ASCC3: variants seen among roughly 807,000 people sequenced by gnomAD.
ASCC3 encodes activating signal cointegrator 1 complex subunit 3.
Under a neutral mutation model 256.3 loss-of-function variants are expected in ASCC3, and 158 were observed. The ratio of observed to expected loss-of-function variants is 0.62; its 90% CI spans 0.54 to 0.70. The LOEUF (loss-of-function observed/expected upper bound fraction) is 0.70. Ranked by LOEUF, ASCC3 falls within the 30% of genes least tolerant of loss-of-function variation. ASCC3 has a pLI of 0.00. For missense variants in ASCC3, 2,259 were observed against 2,626.0 expected (o/e 0.86, Z 3.05); for synonymous variants, 948 against 883.4 (o/e 1.07, Z -1.30).
chr6:100,798,719 T>G lies in ASCC3; in HGVS notation c.1389A>C (p.Leu463Phe). 6.2e-7 allele frequency: 1 copy of G among 1,612,644 alleles called. No individual in the cohort carries two copies. The highest frequency in any genetic ancestry group is 8.5e-7 in the Non-Finnish European group (1 of 1,179,408). Residue 463 changes from leucine to phenylalanine, a missense_variant, in exon 8 of 42, where the codon TTA becomes TTC. Physicochemically the swap from Leu to Phe is conservative, Grantham distance 22. Transcript: ENST00000369162. ...TATAAAAGGCTCATCTCACCTCATC[T>G]AAGTCTTGGATATAAACTGGCTTTT... is the stretch of plus-strand genomic sequence containing the variant. ...FEEKPVYIQD[L>F]DEIGQLAFKG... is the part of the protein sequence containing the mutation.
At chr6:100,841,217 G>T (rs1772129432) in intron 4 of ASCC3, among the ~76,000 whole-genome samples, 1 of 152,158 alleles carries the variant, frequency 6.6e-6, no homozygotes, top group African/African-American at 2.4e-5. Flanking sequence ...AAAGGAGATA[G>T]TAGTAAGGAA....
chr6:100,698,672 A>G (rs559517473), intron 13 of ASCC3, among the ~76,000 whole-genome samples: 6 of 152,190 alleles, frequency 3.9e-5, no homozygotes, highest in Non-Finnish European at 7.4e-5. Context: ...GCAAATTTAC[A>G]TAAAAAATGT....
At position 100,605,609 on chromosome 6, in the gene ASCC3, A is replaced by G. The variant is rs753310447; in HGVS notation, c.5136T>C (p.Phe1712=). The change falls in exon 33 of 42, where the codon TTT becomes TTC. Residue 1712 remains phenylalanine, a synonymous_variant. Transcript: ENST00000369162. The part of the protein sequence containing the change: ...VILVHDIKKD[F]YKKFLYEPFP... Reference sequence around the variant, plus strand: ...AAGGTTCATAAAGAAATTTTTTATAAAAGTCTTTCTTTATGTCATGAACTA... The same window carrying G: ...AAGGTTCATAAAGAAATTTTTTATAGAAGTCTTTCTTTATGTCATGAACTA... 1.8e-5 allele frequency: 29 copies of G among 1,579,496 alleles called. No individual in the cohort carries two copies. Among genetic ancestry groups the G allele is most frequent in the Non-Finnish European group, 2.4e-5 (28 of 1,149,106 alleles).
intron 10 of ASCC3, among the ~76,000 whole-genome samples, chr6:100,761,533 C>A (rs751920759): frequency 6.6e-6 from 1 of 152,042 alleles, no homozygotes; most frequent in African/African-American, 2.4e-5. Flanking sequence ...TGACAACCTA[C>A]GAATCTATTT....
intron 13 of ASCC3, among the ~76,000 whole-genome samples, chr6:100,680,990 C>T (rs990861903): frequency 3.3e-5 from 5 of 152,066 alleles, no homozygotes; most frequent in Admixed American, 1.3e-4. Context: ...GGAATGAGGT[C>T]TGGGATTTGA....
At chr6:100,610,663 C>A (rs1242843575) in intron 30 of ASCC3, among the ~76,000 whole-genome samples, 1 of 151,960 alleles carries the variant, frequency 6.6e-6, no homozygotes, top group Non-Finnish European at 1.5e-5. Flanking sequence ...TGTTTGGCCA[C>A]CTAGTATTCT....
At chr6:100,800,237 G>A in intron 6 of ASCC3, 63 bp downstream of exon 6, 2 of 1,534,368 alleles carry the variant, frequency 1.3e-6, no homozygotes, top group Non-Finnish European at 1.8e-6. Flanking sequence ...ACTAAAAAGT[G>A]ATAATGATAT....
At chr6:100,838,432 A>G (rs1394353163) in intron 4 of ASCC3, among the ~76,000 whole-genome samples, 1 of 152,086 alleles carries the variant, frequency 6.6e-6, no homozygotes, top group African/African-American at 2.4e-5. Flanking sequence ...ATTATAAAAT[A>G]AGGTCATAAA....
At chr6:100,663,215 T>C (rs759802696) in intron 14 of ASCC3, among the ~76,000 whole-genome samples, 7 of 152,122 alleles carry the variant, frequency 4.6e-5, no homozygotes, top group East Asian at 3.9e-4. Flanking sequence ...CAACTATAGA[T>C]GTGCATTGAG....
At chr6:100,865,941 GATAA>G (rs1485096477) in intron 2 of ASCC3, among the ~76,000 whole-genome samples, 6 of 144,532 alleles carry the variant, frequency 4.2e-5, no homozygotes, top group South Asian at 4.4e-4. Flanking sequence ...GCAACCTAGA[GATAA>G]ATAATTTCAT....
At chr6:100,557,804 A>G (rs1165707165) in intron 36 of ASCC3, among the ~76,000 whole-genome samples, 7 of 152,266 alleles carry the variant, frequency 4.6e-5, no homozygotes, top group Non-Finnish European at 8.8e-5. Context: ...CAAGGTGACT[A>G]TAGTCAATAA....
In ASCC3 at chr6:100,795,293, A is replaced by G. The variant is rs184345695; in HGVS notation, c.1395+3420T>C. On this transcript the variant is annotated intron_variant, in intron 8 of 41. Transcript: ENST00000369162. ...CATTTTTCCCTGGTTATATGGAGAA[A>G]GCCTATCTGGGAATCAGGGGATGAA... 4.8e-3 allele frequency among the ~76,000 whole-genome samples: 734 copies of G among 152,114 alleles called. 9 individuals carry two copies. The highest frequency in any genetic ancestry group is 0.017 in the African/African-American group (711 of 41,506).
intron 33 of ASCC3, among the ~76,000 whole-genome samples, chr6:100,603,279 GA>G (rs1229552608): frequency 1.3e-5 from 2 of 151,926 alleles, no homozygotes; most frequent in Non-Finnish European, 2.9e-5. Context: ...AGTATACACA[GA>G]AAAAATTACA....
chr6:100,800,369 T>A lies in ASCC3; in HGVS notation c.1058A>T (p.Lys353Met), dbSNP rs2114344134. ...EEKRIARREKKAGEDLEVSEG... is the reference protein window; with the variant it reads ...EEKRIARREKMAGEDLEVSEG... ...TGAAACTTCTAAATCTTCTCCAGCC[T>A]TTTTTTCTCGTCTGGCAATTCTTTT... Residue 353 changes from lysine to methionine, a missense_variant, in exon 6 of 42, where the codon AAG becomes ATG. Coordinates refer to ENST00000369162, the MANE Select transcript of ASCC3 (RefSeq NM_006828.4). 1.2e-6 allele frequency: 2 copies of A among 1,612,648 alleles called. No homozygotes were observed. Among genetic ancestry groups the A allele is most frequent in the Non-Finnish European group, 1.7e-6 (2 of 1,179,108 alleles).
chr6:100,848,194 T>A lies in ASCC3; in HGVS notation c.755A>T (p.Tyr252Phe). 6.2e-7 allele frequency: 1 copy of A among 1,610,274 alleles called. No homozygotes were observed. Among genetic ancestry groups the A allele is most frequent in the Non-Finnish European group, 8.5e-7 (1 of 1,178,678 alleles). ...ACTTTTAATAGAAGCAAGCATATCATATAAAGTACAGCAAAGATCTTCTAC... is the reference window on the plus strand; with the variant it reads ...ACTTTTAATAGAAGCAAGCATATCAAATAAAGTACAGCAAAGATCTTCTAC... ...PRVEDLCCTL[Y>F]DMLASIKSGD... Residue 252 changes from tyrosine (Y) to phenylalanine (F), a missense_variant, in exon 4 of 42, where the codon TAT becomes TTT. Physicochemically the swap from Tyr to Phe is conservative, Grantham distance 22. Coordinates refer to ENST00000369162, the MANE Select transcript of ASCC3 (RefSeq NM_006828.4).
At chr6:100,531,261 A>C (rs2114643095) in intron 37 of ASCC3, among the ~76,000 whole-genome samples, 1 of 152,262 alleles carries the variant, frequency 6.6e-6, no homozygotes, top group Non-Finnish European at 1.5e-5. Context: ...GGGCTGCTCT[A>C]AACATTTATA....
At position 100,848,286 on chromosome 6, in the gene ASCC3, G is replaced by A; in HGVS notation, c.663C>T (p.Ser221=). Residue 221 remains serine (S), a synonymous_variant, in exon 4 of 42, where the codon TCC becomes TCT. Coordinates refer to ENST00000369162, the MANE Select transcript of ASCC3 (RefSeq NM_006828.4). ...ACTTTTCAACTTCACACCACAAAAAGGAGCCATTTGTTTTTTCCACAGGCT... is the reference window on the plus strand; with the variant it reads ...ACTTTTCAACTTCACACCACAAAAAAGAGCCATTTGTTTTTTCCACAGGCT... ...ELKPVEKTNG[S]FLWCEVEKYL... 1.9e-6 allele frequency: 3 copies of A among 1,614,024 alleles called. No individual in the cohort carries two copies. The highest frequency in any genetic ancestry group is 1.1e-5 in the South Asian group (1 of 91,078).
chr6:100,760,492 T>C (rs1453490409), intron 10 of ASCC3, among the ~76,000 whole-genome samples: 2 of 152,230 alleles, frequency 1.3e-5, no homozygotes, highest in Non-Finnish European at 2.9e-5. Context: ...TTGATCGTTG[T>C]GGATAAGTTT....
chr6:100,862,129 C>T (rs1306809869), intron 3 of ASCC3, among the ~76,000 whole-genome samples: 1 of 152,100 alleles, frequency 6.6e-6, no homozygotes, highest in Admixed American at 6.5e-5. Context: ...GGTTAAGATC[C>T]TAGTCAAGGT....
Sources: gnomAD v4.1 joint callset for allele counts (sites outside exome capture counted in the v4.1 genomes callset) on GRCh38, gnomAD v4.1.1 for gene constraint, MANE v1.5 for transcripts, NCBI Gene and HGNC (gene_info 2026-07-23, HGNC 2026-07-21) for gene names.